AGO3: variants seen among roughly 807,000 people sequenced by gnomAD.
The protein encoded by AGO3 is protein argonaute-3.
Under a neutral mutation model 105.5 loss-of-function variants are expected in AGO3, and 16 were observed. The ratio of observed to expected loss-of-function variants is 0.15; its 90% CI spans 0.10 to 0.23. The LOEUF (loss-of-function observed/expected upper bound fraction) is 0.23. Among genes scored for constraint, AGO3 ranks in the 10% least tolerant of loss-of-function variants. The probability of loss-of-function intolerance (pLI) is 1.00; values close to 1 mark genes in which losing one functional copy is unlikely to be tolerated. For synonymous variants in AGO3, 340 were observed against 367.3 expected (o/e 0.93, Z 0.85); for missense variants, 534 against 1,088.0 (o/e 0.49, Z 7.16).
At chr1:36,037,248 G>C (rs568938592) in intron 14 of AGO3, among the ~76,000 whole-genome samples, 1 of 152,150 alleles carries the variant, frequency 6.6e-6, no homozygotes, top group Admixed American at 6.5e-5. Flanking sequence ...GGCCAGGCGC[G>C]GTGGCTCACG....
chr1:36,072,459 TTCAC>T lies in AGO3; in HGVS notation c.*16716_*16719del, dbSNP rs1385497393. 1 of 152,212 alleles carries T rather than the reference TTCAC, an allele frequency of 6.6e-6. No homozygotes were observed. The highest frequency in any genetic ancestry group is 1.9e-4 in the East Asian group (1 of 5,200). 9.4% of individuals were successfully genotyped at this position (152,212 alleles called of 1,614,324 possible). A position where few individuals can be genotyped will look rare whatever the true frequency, so the allele number is the denominator to read the frequency against. ...CTTAGCTTCAGTTTGAAGTATAACT[TTCAC>T]TAATAACTGCAATAAAAAGAAAAGC... On this transcript the variant is annotated 3_prime_UTR_variant, in exon 19 of 19. Coordinates refer to ENST00000373191, the MANE Select transcript of AGO3 (RefSeq NM_024852.4).
intron 5 of AGO3, among the ~76,000 whole-genome samples, chr1:35,987,441 C>T (rs1015439334): frequency 7.9e-5 from 12 of 150,990 alleles, no homozygotes; most frequent in African/African-American, 2.9e-4. Flanking sequence ...TGCAGTGAGC[C>T]GAGATCACGC....
intron 5 of AGO3, among the ~76,000 whole-genome samples, chr1:35,993,137 G>C (rs976290133): frequency 6.6e-6 from 1 of 152,104 alleles, no homozygotes; most frequent in African/African-American, 2.4e-5. Flanking sequence ...TTCAGTATGG[G>C]AAGGGACTGT....
chr1:35,955,404 T>C (rs192370129), intron 2 of AGO3, among the ~76,000 whole-genome samples: 1 of 152,194 alleles, frequency 6.6e-6, no homozygotes, highest in Non-Finnish European at 1.5e-5. Flanking sequence ...TACTACTGTT[T>C]TAATATGTAA....
chr1:36,004,303 GA>G, intron 5 of AGO3, 37 bp from the exon 6 acceptor site: 1 of 1,565,514 alleles, frequency 6.4e-7, no homozygotes, highest in South Asian at 1.2e-5. Context: ...ATTTTTTAGG[GA>G]AACATTAATT....
chr1:35,982,336 G>A lies in AGO3; in HGVS notation c.658+8825G>A, dbSNP rs12119963. On this transcript the variant is annotated intron_variant, in intron 5 of 18. Coordinates refer to ENST00000373191, the MANE Select transcript of AGO3 (RefSeq NM_024852.4). ...TCACAGAGAAAATTTTGAACTGAAGGACAATGAATACAATACATATCAGAA... is the reference window on the plus strand; with the variant it reads ...TCACAGAGAAAATTTTGAACTGAAGAACAATGAATACAATACATATCAGAA... Among the ~76,000 whole-genome samples the A allele has an allele frequency of 5.8e-3, 889 of 152,194 alleles. 6 individuals are homozygous for A. Among genetic ancestry groups the A allele is most frequent in the Admixed American group, 0.01 (156 of 15,284 alleles).
At chr1:35,967,188 T>G (rs1283217579) in intron 3 of AGO3, 113 bp downstream of exon 3, 3 of 1,323,708 alleles carry the variant, frequency 2.3e-6, no homozygotes, top group Non-Finnish European at 3.0e-6. Flanking sequence ...TATCACTGAT[T>G]GTTTTTAACT....
intron 12 of AGO3, among the ~76,000 whole-genome samples, chr1:36,031,086 A>G (rs1052229952): frequency 1.3e-5 from 2 of 152,176 alleles, no homozygotes; most frequent in Admixed American, 1.3e-4. Context: ...ATAATCATCT[A>G]TTAGCTCAAT....
At chr1:36,018,653 G>C (rs533599962) in intron 11 of AGO3, among the ~76,000 whole-genome samples, 4 of 151,808 alleles carry the variant, frequency 2.6e-5, no homozygotes, top group Admixed American at 6.6e-5. Context: ...GGATGGTCTC[G>C]ATCTCCTGAC....
chr1:35,998,790 A>G (rs901725947), intron 5 of AGO3, among the ~76,000 whole-genome samples: 2 of 151,840 alleles, frequency 1.3e-5, no homozygotes, highest in Non-Finnish European at 2.9e-5. Context: ...TTCTTTATTT[A>G]TGGTGTCTTT....
intron 5 of AGO3, among the ~76,000 whole-genome samples, chr1:35,994,681 G>T (rs1279058936): frequency 6.6e-6 from 1 of 152,060 alleles, no homozygotes; most frequent in African/African-American, 2.4e-5. Context: ...AATTTAGTGA[G>T]GTCACAGGAT....
intron 12 of AGO3, 85 bp from the exon 13 acceptor site, chr1:36,034,089 G>A (rs1487908598): frequency 1.6e-5 from 21 of 1,307,214 alleles, no homozygotes; most frequent in African/African-American, 1.2e-4. Context: ...GATTTTAAGG[G>A]GGAAACATAG....
chr1:36,035,987 C>T (rs943508524), intron 13 of AGO3, among the ~76,000 whole-genome samples, 190 bp from the exon 14 acceptor site: 4 of 145,494 alleles, frequency 2.7e-5, no homozygotes, highest in East Asian at 2.0e-4. Flanking sequence ...GAGCCGAGAT[C>T]GTGCCACTGC....
chr1:36,009,484 A>G lies in AGO3; in HGVS notation c.1039A>G (p.Ile347Val). 1 of 1,613,058 alleles carries G rather than the reference A, an allele frequency of 6.2e-7. No individual in the cohort carries two copies. Among genetic ancestry groups the G allele is most frequent in the Non-Finnish European group, 8.5e-7 (1 of 1,179,596 alleles). ...TTTTTTCCATTTGTAGGTCTGTAATATTGTGGCAGGGCAACGATGTATCAA... is the reference window on the plus strand; with the variant it reads ...TTTTTTCCATTTGTAGGTCTGTAATGTTGTGGCAGGGCAACGATGTATCAA... The part of the protein sequence containing the change: ...HTYLPLEVCN[I>V]VAGQRCIKKL... Residue 347 changes from isoleucine (I) to valine (V), a missense_variant, in exon 9 of 19, where the codon ATT becomes GTT. Ile to Val is a conservative substitution (Grantham distance 29, BLOSUM62 3). Around this residue, in one of 2 missense-constraint regions of AGO3, gnomAD observed 373 missense variants for 854.0 expected, o/e 0.44. Transcript: ENST00000373191.
chr1:36,052,991 G>A (rs919377559), intron 17 of AGO3, among the ~76,000 whole-genome samples: 2 of 152,006 alleles, frequency 1.3e-5, no homozygotes, highest in Admixed American at 6.6e-5. Context: ...AATCCTATAT[G>A]ACTGGTTTAT....
At chr1:35,994,861 T>C (rs1161957279) in intron 5 of AGO3, among the ~76,000 whole-genome samples, 1 of 151,782 alleles carries the variant, frequency 6.6e-6, no homozygotes, top group East Asian at 1.9e-4. Flanking sequence ...GGTAAAGAGG[T>C]GTTCTTGGAC....
At chr1:36,018,716 C>G (rs916544318) in intron 11 of AGO3, among the ~76,000 whole-genome samples, 2 of 152,150 alleles carry the variant, frequency 1.3e-5, no homozygotes, top group Non-Finnish European at 2.9e-5. Context: ...CAGGCATGAG[C>G]CACCACACCT....
chr1:35,975,133 G>C (rs1571455587), intron 5 of AGO3, among the ~76,000 whole-genome samples: 3 of 152,248 alleles, frequency 2.0e-5, no homozygotes, highest in Admixed American at 2.0e-4. Flanking sequence ...GATGAGTTAA[G>C]GGCAAATGTA....
chr1:35,933,551 A>G (rs1646093417), intron 1 of AGO3, among the ~76,000 whole-genome samples: 1 of 145,186 alleles, frequency 6.9e-6, no homozygotes, highest in South Asian at 2.3e-4. Flanking sequence ...CTGAGGCAGG[A>G]GAATGGATTG....
Sources: allele counts gnomAD v4.1 joint callset (sites outside exome capture counted in the v4.1 genomes callset), GRCh38; gene constraint gnomAD v4.1.1; regional missense constraint gnomAD v4.1.1; transcripts MANE v1.5; gene names NCBI Gene and HGNC (gene_info 2026-07-23, HGNC 2026-07-21).